Variants in RS1 observed in about 807,000 individuals in gnomAD.
The protein encoded by RS1 is retinoschisin.
RS1 carries 2 observed loss-of-function variants against 20.8 expected under a neutral mutation model. The ratio of observed to expected loss-of-function variants is 0.10; its 90% CI spans 0.04 to 0.30. The LOEUF is 0.30. Ranked by LOEUF, RS1 falls within the 10% of genes least tolerant of loss-of-function variation. The probability of loss-of-function intolerance (pLI) is 1.00; values close to 1 mark genes in which losing one functional copy is unlikely to be tolerated. For synonymous variants in RS1, 70 were observed against 75.8 expected (o/e 0.92, Z 0.40); for missense variants, 151 against 189.8 (o/e 0.80, Z 1.20).
At chrX:18,657,927 T>C (rs1224754953) in intron 1 of RS1, among the ~76,000 whole-genome samples, 1 of 111,416 alleles carries the variant, frequency 9.0e-6, no homozygotes, top group East Asian at 2.8e-4. Context: ...TCCCAGCACT[T>C]TGGGAGGCCG....
chrX:18,647,236 G>C lies in RS1; in HGVS notation c.281C>G (p.Ser94Cys). The C allele has an allele frequency of 8.3e-7, 1 of 1,211,016 alleles. No individual in the cohort carries two copies. Residue 94 changes from serine (S) to cysteine (C), a missense_variant, in exon 4 of 6, where the codon TCT becomes TGT. By Grantham distance (112) the Ser-to-Cys change is moderately radical (BLOSUM62 -1). Coordinates refer to ENST00000379984, the MANE Select transcript of RS1 (RefSeq NM_000330.4). ...SNPEQYVGWY[S>C]SWTANKARLN... is the part of the protein sequence containing the mutation. ...CCGGGCCTTGTTTGCAGTCCACGAA[G>C]AATACCAGCCCACATACTGCTCCGG...
chrX:18,641,435 A>G lies in RS1; in HGVS notation c.*569T>C, dbSNP rs928742505. 3.4e-5 allele frequency: 4 copies of G among 117,626 alleles called. No individual in the cohort carries two copies. The highest frequency in any genetic ancestry group is 5.3e-5 in the Non-Finnish European group (3 of 56,656). The allele number at this position is 117,626 out of a possible 1,213,427, so 9.7% of individuals were successfully genotyped here. On this transcript the variant is annotated 3_prime_UTR_variant, in exon 6 of 6. Coordinates refer to ENST00000379984, the MANE Select transcript of RS1 (RefSeq NM_000330.4). The stretch of plus-strand genomic sequence containing the variant: ...TTGGGCTTTTGGTCATTTGTCACGT[A>G]TAGCCTCTCAGGGCACCGGGATTCT...
intron 5 of RS1, among the ~76,000 whole-genome samples, chrX:18,644,125 T>A (rs1174352305): frequency 8.9e-6 from 1 of 112,204 alleles, no homozygotes; most frequent in Non-Finnish European, 1.9e-5. Flanking sequence ...GTGCATTCAA[T>A]GATCCAGTGA....
At chrX:18,655,077 C>T (rs1161969895) in intron 3 of RS1, among the ~76,000 whole-genome samples, 3 of 111,992 alleles carry the variant, frequency 2.7e-5, no homozygotes, top group Non-Finnish European at 5.6e-5. Flanking sequence ...ATATTTGCAG[C>T]GACTGCCCAA....
intron 1 of RS1, among the ~76,000 whole-genome samples, chrX:18,665,725 CA>C (rs1928394348): frequency 9.2e-6 from 1 of 108,423 alleles, no homozygotes. Flanking sequence ...AATAAACAAA[CA>C]AATAAATAAA....
intron 3 of RS1, chrX:18,653,626 T>C (rs905259642): frequency 3.6e-6 from 4 of 1,106,630 alleles, no homozygotes; most frequent in Admixed American, 2.5e-5. Flanking sequence ...GAATCAACCA[T>C]TAACGCTGAG....
Position 18,647,183 on chromosome X carries a change from C to T in RS1, c.326+8G>A, listed in dbSNP as rs752870628. 2 of 1,210,964 alleles carry T rather than the reference C, an allele frequency of 1.7e-6. No homozygotes were observed. Among genetic ancestry groups the T allele is most frequent in the East Asian group, 5.9e-5 (2 of 33,823 alleles). On this transcript the variant is annotated splice_region_variant and intron_variant, in intron 4 of 5. Transcript: ENST00000379984. The stretch of plus-strand genomic sequence containing the variant: ...GCACATGAAAAAAAATCCCCGGGCC[C>T]TGCTTACCCAAAGCCTTGACTGTTG...
intron 3 of RS1, among the ~76,000 whole-genome samples, chrX:18,651,142 G>A (rs1232211381): frequency 1.3e-4 from 1 of 7,633 alleles, no homozygotes; most frequent in Non-Finnish European, 2.8e-4. Flanking sequence ...CGCACCCCCC[G>A]CCACACCCTC....
intron 3 of RS1, chrX:18,649,998 A>G (rs1602315190): frequency 4.6e-6 from 1 of 218,878 alleles, no homozygotes; most frequent in South Asian, 6.6e-5. Flanking sequence ...CGCCCCGCTC[A>G]GGGCTACTAG....
intron 3 of RS1, chrX:18,650,391 C>T (rs998058972): frequency 2.5e-6 from 3 of 1,209,034 alleles, no homozygotes; most frequent in Non-Finnish European, 3.4e-6. Context: ...CATTCCACTG[C>T]CCTCTGAATA....
intron 1 of RS1, among the ~76,000 whole-genome samples, chrX:18,664,559 C>T (rs764911302): frequency 1.2e-3 from 131 of 110,722 alleles, no homozygotes; most frequent in African/African-American, 3.2e-3. Flanking sequence ...GCTGGGGAGG[C>T]GGAGGTTGCA....
chrX:18,666,616 C>T (rs760488554), intron 1 of RS1, among the ~76,000 whole-genome samples: 50 of 111,411 alleles, frequency 4.5e-4, no homozygotes, highest in Non-Finnish European at 1.3e-4. Context: ...TGTTGTGGAC[C>T]GGGCTGGCCA....
chrX:18,641,025 A>T lies in RS1; in HGVS notation c.*979T>A, dbSNP rs768166344. 11 of 112,643 alleles carry T rather than the reference A, an allele frequency of 9.8e-5. No individual in the cohort carries two copies. Among genetic ancestry groups the T allele is most frequent in the African/African-American group, 3.5e-4 (11 of 31,069 alleles). The allele number at this position is 112,643 out of a possible 1,213,427, so 9.3% of individuals were successfully genotyped here. A position where few individuals can be genotyped will look rare whatever the true frequency, so the allele number is the denominator to read the frequency against. On this transcript the variant is annotated 3_prime_UTR_variant, in exon 6 of 6. Transcript: ENST00000379984. ...GAGAAGCTTTCAGGGAAAAAGCTACATGGTCCTTTTTATGATGTGAGTCCT... is the reference window on the plus strand; with the variant it reads ...GAGAAGCTTTCAGGGAAAAAGCTACTTGGTCCTTTTTATGATGTGAGTCCT...
chrX:18,651,148 C>A (rs1206732884), intron 3 of RS1, among the ~76,000 whole-genome samples: 2 of 100,242 alleles, frequency 2.0e-5, no homozygotes, highest in African/African-American at 7.4e-5. Flanking sequence ...CCCCGCCACA[C>A]CCTCCAGAGA....
intron 3 of RS1, among the ~76,000 whole-genome samples, chrX:18,651,459 C>A (rs760239918): frequency 1.8e-5 from 2 of 110,931 alleles, no homozygotes; most frequent in South Asian, 7.6e-4. Context: ...AGGGCCTGAG[C>A]GCAGCAGAGA....
At chrX:18,658,950 T>C (rs1456269340) in intron 1 of RS1, among the ~76,000 whole-genome samples, 2 of 111,529 alleles carry the variant, frequency 1.8e-5, no homozygotes, top group Admixed American at 9.7e-5. Context: ...ACAGGAAATA[T>C]CAAACCACAA....
At chrX:18,654,220 C>G (rs1414020991) in intron 3 of RS1, among the ~76,000 whole-genome samples, 2 of 102,994 alleles carry the variant, frequency 1.9e-5, no homozygotes, top group Non-Finnish European at 3.9e-5. Flanking sequence ...AGTGATACGA[C>G]TATGGCTCAC....
In RS1 at chrX:18,664,575, T is replaced by C. The variant is rs749949376; in HGVS notation, c.53-6910A>G. On this transcript the variant is annotated intron_variant, in intron 1 of 5. Coordinates refer to ENST00000379984, the MANE Select transcript of RS1 (RefSeq NM_000330.4). The stretch of plus-strand genomic sequence containing the variant: ...CTGGGGAGGCGGAGGTTGCAGTGAG[T>C]CAAGATCACGCCACTGTACTCCCAG... Among the ~76,000 whole-genome samples the C allele has an allele frequency of 4.0e-4, 44 of 110,667 alleles. 1 individual carries two copies. The South Asian group carries it at 0.014, about 36-fold the overall frequency.
Position 18,640,434 on chromosome X carries a change from A to ACCCCCCCCC in RS1, c.*1561_*1569dup, listed in dbSNP as rs753767629. On this transcript the variant is annotated 3_prime_UTR_variant, in exon 6 of 6. Coordinates refer to ENST00000379984, the MANE Select transcript of RS1 (RefSeq NM_000330.4). The stretch of plus-strand genomic sequence containing the variant: ...CCTAAGGCCAGGGATAAGTCCCCCC[A>ACCCCCCCCC]CCCCCCCCCCCCACCCCCAACACCC... 1 of 49,195 alleles carries ACCCCCCCCC rather than the reference A, an allele frequency of 2.0e-5. No homozygotes were observed. The highest frequency in any genetic ancestry group is 3.6e-5 in the Non-Finnish European group (1 of 27,696). 4.1% of individuals were successfully genotyped at this position (49,195 alleles called of 1,213,427 possible). A position where few individuals can be genotyped will look rare whatever the true frequency, so the allele number is the denominator to read the frequency against.
Sources: allele counts gnomAD v4.1 joint callset (sites outside exome capture counted in the v4.1 genomes callset), GRCh38; gene constraint gnomAD v4.1.1; transcripts MANE v1.5; gene names NCBI Gene and HGNC (gene_info 2026-07-23, HGNC 2026-07-21).